Variants in PFKFB3 observed in about 807,000 individuals in gnomAD.
PFKFB3 encodes the protein 6-phosphofructo-2-kinase/fructose-2,6-bisphosphatase 3.
A neutral mutation model predicts 68.0 loss-of-function variants in PFKFB3; 33 were observed. The ratio of observed to expected loss-of-function variants is 0.49; its 90% confidence interval spans 0.37 to 0.65. The LOEUF is 0.65. PFKFB3 is among the 30% of genes least tolerant of loss of function. The probability of loss-of-function intolerance (pLI) is 0.00; values close to 1 mark genes in which losing one functional copy is unlikely to be tolerated. For missense variants in PFKFB3, 586 were observed against 712.2 expected (o/e 0.82, Z 2.02); for synonymous variants, 315 against 288.2 (o/e 1.09, Z -0.94).
upstream of PFKFB3, among the ~76,000 whole-genome samples, chr10:6,198,907 T>G (rs1384678885): frequency 6.6e-6 from 1 of 152,246 alleles, no homozygotes; most frequent in Admixed American, 6.5e-5. Flanking sequence ...TTCCATATTT[T>G]AACAATTACC....
chr10:6,166,825 T>C (rs1352517570), intron 1 of PFKFB3, among the ~76,000 whole-genome samples: 79 of 80,742 alleles, frequency 9.8e-4, no homozygotes, highest in African/African-American at 1.9e-3. Flanking sequence ...CTTCTTCTTT[T>C]TTTTTTTTTT....
intron 1 of PFKFB3, among the ~76,000 whole-genome samples, chr10:6,207,567 C>T (rs1389452764): frequency 1.3e-5 from 2 of 152,216 alleles, no homozygotes; most frequent in Admixed American, 1.3e-4. Context: ...GCTGAGGTTA[C>T]AGGCATGTGC....
intron 1 of PFKFB3, among the ~76,000 whole-genome samples, chr10:6,151,108 G>C (rs931408520): frequency 1.6e-4 from 24 of 152,160 alleles, no homozygotes; most frequent in Admixed American, 9.2e-4. Context: ...ACAGCAGGGA[G>C]ACGGACACAG....
At chr10:6,194,492 G>A (rs975831360) in intron 1 of PFKFB3, among the ~76,000 whole-genome samples, 2 of 152,186 alleles carry the variant, frequency 1.3e-5, no homozygotes, top group African/African-American at 4.8e-5. Flanking sequence ...ATTTAAGGGC[G>A]AGCACCTGTT....
At chr10:6,231,416 T>G in intron 14 of PFKFB3, 1 of 1,571,454 alleles carries the variant, frequency 6.4e-7, no homozygotes, top group Admixed American at 1.8e-5. Context: ...TCTGTCTCCA[T>G]GCCGAGGTTG....
At chr10:6,237,308 G>A (rs543137988), downstream of PFKFB3, among the ~76,000 whole-genome samples, 6 of 152,354 alleles carry the variant, frequency 3.9e-5, no homozygotes, top group East Asian at 3.9e-4. Context: ...CCCCGTCATC[G>A]TCCATACGGA....
the PFKFB3 span, among the ~76,000 whole-genome samples, chr10:6,277,203 TTTTCTTTC>T: frequency 2.6e-5 from 4 of 151,770 alleles, no homozygotes; most frequent in Non-Finnish European, 5.9e-5. Flanking sequence ...GATGGTTTCT[TTTTCTTTC>T]TTTCTTTCTT....
At chr10:6,175,309 A>G (rs560851991) in intron 1 of PFKFB3, among the ~76,000 whole-genome samples, 27 of 152,128 alleles carry the variant, frequency 1.8e-4, no homozygotes, top group African/African-American at 6.3e-4. Flanking sequence ...CCTCCTTTCC[A>G]TCATGGCACT....
intron 1 of PFKFB3, among the ~76,000 whole-genome samples, chr10:6,172,097 C>G (rs3814193): frequency 1.3e-5 from 2 of 152,340 alleles, no homozygotes; most frequent in East Asian, 1.9e-4. Context: ...CGCATTCTCC[C>G]GGAACACCCT....
chr10:6,278,424 C>G, the PFKFB3 span, among the ~76,000 whole-genome samples: 1 of 151,112 alleles, frequency 6.6e-6, no homozygotes, highest in Non-Finnish European at 1.5e-5. Flanking sequence ...TACAGGCACG[C>G]ACCACCACAG....
At chr10:6,183,013 A>G (rs1173225271) in intron 1 of PFKFB3, among the ~76,000 whole-genome samples, 1 of 152,166 alleles carries the variant, frequency 6.6e-6, no homozygotes, top group Admixed American at 6.5e-5. Flanking sequence ...TCCAGGACAC[A>G]GTGCACAGCC....
chr10:6,173,317 TG>T (rs1396331469), intron 1 of PFKFB3, among the ~76,000 whole-genome samples: 1 of 152,166 alleles, frequency 6.6e-6, no homozygotes, highest in Admixed American at 6.5e-5. Flanking sequence ...CCTCAGCTGC[TG>T]GGGCCGGGCA....
At chr10:6,175,344 G>T (rs1408478365) in intron 1 of PFKFB3, among the ~76,000 whole-genome samples, 1 of 152,204 alleles carries the variant, frequency 6.6e-6, no homozygotes, top group African/African-American at 2.4e-5. Flanking sequence ...GGTACACAGA[G>T]TGTTGGCAAT....
the PFKFB3 span, among the ~76,000 whole-genome samples, chr10:6,314,115 G>T: frequency 1.3e-5 from 2 of 152,224 alleles, no homozygotes; most frequent in Non-Finnish European, 2.9e-5. Flanking sequence ...CATTGCCTAT[G>T]AATAGAGTAT....
chr10:6,191,971 G>A (rs1843035080), intron 1 of PFKFB3, among the ~76,000 whole-genome samples: 1 of 151,598 alleles, frequency 6.6e-6, no homozygotes, highest in South Asian at 2.1e-4. Context: ...TTGGATATGA[G>A]CAAAAGCACT....
At chr10:6,304,224 T>C in the PFKFB3 span, among the ~76,000 whole-genome samples, 2 of 152,160 alleles carry the variant, frequency 1.3e-5, no homozygotes, top group Non-Finnish European at 2.9e-5. Context: ...GAAAGCTCCC[T>C]TTTATTTTCT....
chr10:6,189,602 C>G (rs1368418715), intron 1 of PFKFB3, among the ~76,000 whole-genome samples: 1 of 151,272 alleles, frequency 6.6e-6, no homozygotes. Context: ...ACAACCACCA[C>G]CTCCCAGGTT....
At chr10:6,276,739 C>T in the PFKFB3 span, among the ~76,000 whole-genome samples, 1 of 152,114 alleles carries the variant, frequency 6.6e-6, no homozygotes, top group Non-Finnish European at 1.5e-5. Flanking sequence ...CCCTCAGTTT[C>T]TCCCAATGTG....
the PFKFB3 span, among the ~76,000 whole-genome samples, chr10:6,265,048 T>C: frequency 6.6e-6 from 1 of 151,770 alleles, no homozygotes; most frequent in Admixed American, 6.6e-5. Flanking sequence ...TTTGTGTTAG[T>C]TTTCTTTAAC....
Sources: gnomAD v4.1 joint callset for allele counts (sites outside exome capture counted in the v4.1 genomes callset) on GRCh38, gnomAD v4.1.1 for gene constraint, MANE v1.5 for transcripts, NCBI Gene and HGNC (gene_info 2026-07-23, HGNC 2026-07-21) for gene names.